Variants in KIRREL3 observed in about 807,000 individuals in gnomAD.
The protein encoded by KIRREL3 is kirre like nephrin family adhesion molecule 3, also known as kin of IRRE-like protein 3.
KIRREL3 carries 36 observed loss-of-function variants against 89.7 expected under a neutral mutation model. The ratio of observed to expected loss-of-function variants is 0.40; its 90% CI spans 0.31 to 0.53. The LOEUF (loss-of-function observed/expected upper bound fraction) is 0.53. KIRREL3 is among the 20% of genes least tolerant of loss of function. The probability of loss-of-function intolerance (pLI) is 0.49; values close to 1 mark genes in which losing one functional copy is unlikely to be tolerated. For synonymous variants in KIRREL3, 445 were observed against 441.4 expected (o/e 1.01, Z -0.10); for missense variants, 864 against 1,056.6 (o/e 0.82, Z 2.53).
At chr11:126,506,568 A>T (rs768600211) in intron 4 of KIRREL3, among the ~76,000 whole-genome samples, 28 of 152,234 alleles carry the variant, frequency 1.8e-4, no homozygotes, top group Non-Finnish European at 4.0e-4. Flanking sequence ...AACCTGTAAC[A>T]GTGTTGGCAA....
At chr11:126,942,089 TG>T (rs1948467287) in intron 1 of KIRREL3, among the ~76,000 whole-genome samples, 1 of 152,084 alleles carries the variant, frequency 6.6e-6, no homozygotes, top group Non-Finnish European at 1.5e-5. Flanking sequence ...CAAAGAAAGG[TG>T]GGGGCAGGTG....
chr11:126,451,929 C>G (rs1377650813), intron 7 of KIRREL3, among the ~76,000 whole-genome samples: 1 of 152,172 alleles, frequency 6.6e-6, no homozygotes, highest in African/African-American at 2.4e-5. Context: ...CGTCACCCCA[C>G]AGCCACTGCT....
intron 1 of KIRREL3, among the ~76,000 whole-genome samples, chr11:126,654,458 G>C (rs1945042123): frequency 1.3e-5 from 2 of 152,090 alleles, no homozygotes; most frequent in South Asian, 2.1e-4. Context: ...AAGGTGGAGG[G>C]AGATAGGATT....
rs765741170 is a variant in KIRREL3 at position 126,636,613 on chromosome 11, C to T, written c.56-73701G>A. Reference sequence around the variant, plus strand: ...TTACCTTAGTCTCCTGTCTTTTCTTCTGCCCTCCTGGACCCAGCTTACTGC... The same window carrying T: ...TTACCTTAGTCTCCTGTCTTTTCTTTTGCCCTCCTGGACCCAGCTTACTGC... On this transcript the variant is annotated intron_variant, in intron 1 of 16. Transcript: ENST00000525144. This position sits in a 1 kb window ranked among gnomAD's most constrained non-coding sequence, Gnocchi z 4.4. Among the ~76,000 whole-genome samples, 30 of 152,236 alleles carry T rather than the reference C, an allele frequency of 2.0e-4. No homozygotes were observed. The highest frequency in any genetic ancestry group is 6.5e-4 in the African/African-American group (27 of 41,460).
At position 126,578,990 on chromosome 11, in the gene KIRREL3, G is replaced by A. The variant is rs766868881; in HGVS notation, c.56-16078C>T. Among the ~76,000 whole-genome samples the A allele has an allele frequency of 6.6e-5, 10 of 152,148 alleles. No individual in the cohort carries two copies. The highest frequency in any genetic ancestry group is 1.2e-4 in the Non-Finnish European group (8 of 68,038). On this transcript the variant is annotated intron_variant, in intron 1 of 16. Coordinates refer to ENST00000525144, the MANE Select transcript of KIRREL3 (RefSeq NM_032531.4). This position sits in a 1 kb window ranked among gnomAD's most constrained non-coding sequence, Gnocchi z 4.9. The stretch of plus-strand genomic sequence containing the variant: ...TGAAGACACTGAGGACCAGCAAGGC[G>A]AGACAACTGTTTGAGGCCACACAGC...
chr11:126,695,702 T>C (rs1947066085), intron 1 of KIRREL3, among the ~76,000 whole-genome samples: 1 of 152,102 alleles, frequency 6.6e-6, no homozygotes, highest in Non-Finnish European at 1.5e-5. Context: ...TTTCGTGTCT[T>C]GGGGGCTCTG....
At chr11:126,497,945 C>G (rs781206286) in intron 4 of KIRREL3, among the ~76,000 whole-genome samples, 1 of 150,692 alleles carries the variant, frequency 6.6e-6, no homozygotes, top group East Asian at 1.9e-4. Context: ...TGTGGGCCCC[C>G]GTGGAATACA....
At chr11:126,934,769 A>G (rs1352515396) in intron 1 of KIRREL3, 1 of 152,200 alleles carries the variant, frequency 6.6e-6, no homozygotes, top group Non-Finnish European at 1.5e-5. Flanking sequence ...TTTAAAAATG[A>G]GCAAAAGACG....
At chr11:126,974,675 GGTATAGCCTGTTACACACCTAGGTTACAT>G (rs1949520329) in intron 1 of KIRREL3, among the ~76,000 whole-genome samples, 1 of 151,942 alleles carries the variant, frequency 6.6e-6, no homozygotes, top group South Asian at 2.1e-4. Flanking sequence ...TAGGCTACAT[GGTATAGCCTGTTACACACCTAGGTTACAT>G]GTATAGCCTG....
intron 10 of KIRREL3, among the ~76,000 whole-genome samples, chr11:126,442,263 A>AAC (rs1166867167): frequency 7.7e-6 from 1 of 129,196 alleles, no homozygotes; most frequent in Non-Finnish European, 1.7e-5. Context: ...TCCAGCTCAA[A>AAC]AAAAAAAAAC....
chr11:126,545,512 T>C (rs2134509149), intron 2 of KIRREL3, among the ~76,000 whole-genome samples: 1 of 152,174 alleles, frequency 6.6e-6, no homozygotes, highest in South Asian at 2.1e-4. Context: ...GGCCCACGCC[T>C]GTAATCCCAG....
chr11:126,449,146 C>G lies in KIRREL3; in HGVS notation c.860G>C (p.Arg287Pro). Reference protein sequence around the residue: ...PAVTQYRWAKRGQIIKEASGE... With the variant: ...PAVTQYRWAKPGQIIKEASGE... The stretch of plus-strand genomic sequence containing the variant: ...AGATGCCTCCTTGATGATCTGGCCC[C>G]GCTTGGCCCACCTGCAACAAAGGCC... Residue 287 changes from arginine (R) to proline (P), a missense_variant, in exon 8 of 17, where the codon CGG becomes CCG. Physicochemically the swap from Arg to Pro is moderately radical, Grantham distance 103. Transcript: ENST00000525144. The G allele has an allele frequency of 6.2e-7, 1 of 1,613,890 alleles. No homozygotes were observed.
intron 1 of KIRREL3, among the ~76,000 whole-genome samples, chr11:126,800,494 G>A (rs868018257): frequency 2.6e-5 from 4 of 152,154 alleles, no homozygotes; most frequent in African/African-American, 7.2e-5. Flanking sequence ...CTCCAGGGAA[G>A]GATTTCTCCC....
rs370128192 is a variant in KIRREL3, at chr11:126,437,463, C to T, written c.1354-454G>A. On this transcript the variant is annotated intron_variant, in intron 11 of 16. Coordinates refer to ENST00000525144, the MANE Select transcript of KIRREL3 (RefSeq NM_032531.4). ...CACACAGGTTTGTACACACACACCA[C>T]ACTACAAACATGCATATGCAAGTAC... Among the ~76,000 whole-genome samples the T allele has an allele frequency of 1.1e-4, 17 of 152,234 alleles. No homozygotes were observed. The East Asian group carries it at 1.2e-3, about 10-fold the overall frequency.
chr11:126,600,216 A>G (rs1942592478), intron 1 of KIRREL3, among the ~76,000 whole-genome samples: 1 of 152,204 alleles, frequency 6.6e-6, no homozygotes, highest in African/African-American at 2.4e-5. Context: ...AACAGCCTAC[A>G]AGGAATTGAA....
intron 1 of KIRREL3, among the ~76,000 whole-genome samples, chr11:126,660,713 A>G (rs1591902648): frequency 6.6e-6 from 1 of 152,206 alleles, no homozygotes; most frequent in East Asian, 1.9e-4. Context: ...TTGATTGCCA[A>G]GTCAGTAAAC....
chr11:126,863,900 C>T (rs1246603603), intron 1 of KIRREL3, among the ~76,000 whole-genome samples: 1 of 152,188 alleles, frequency 6.6e-6, no homozygotes, highest in Admixed American at 6.5e-5. Context: ...TGCCTGGCTG[C>T]CAAAGCTTTC....
intron 11 of KIRREL3, among the ~76,000 whole-genome samples, chr11:126,437,952 A>C (rs1955421691): frequency 6.6e-6 from 1 of 152,190 alleles, no homozygotes; most frequent in African/African-American, 2.4e-5. Context: ...ATGTTCACAC[A>C]TGCCATGACA....
At chr11:126,693,629 A>C (rs893222907) in intron 1 of KIRREL3, among the ~76,000 whole-genome samples, 2 of 151,568 alleles carry the variant, frequency 1.3e-5, no homozygotes, top group African/African-American at 4.9e-5. Flanking sequence ...ACACACACAC[A>C]CACCCATAGT....
Sources: gnomAD v4.1 joint callset for allele counts (sites outside exome capture counted in the v4.1 genomes callset) on GRCh38, gnomAD v4.1.1 for gene constraint, Gnocchi (gnomAD v3.1) non-coding constraint, MANE v1.5 for transcripts, NCBI Gene and HGNC (gene_info 2026-07-23, HGNC 2026-07-21) for gene names.